CEP95: variants seen among roughly 807,000 people sequenced by gnomAD.
CEP95 encodes centrosomal protein 95, also known as centrosomal protein of 95 kDa.
CEP95 carries 98 observed loss-of-function variants against 111.2 expected under a neutral mutation model. That is an observed-to-expected ratio of 0.88 (90% CI 0.75 to 1.04). CEP95 has a LOEUF of 1.04. CEP95 is among the 50% of genes least tolerant of loss of function. The pLI is 0.00. For missense variants in CEP95, 1,027 were observed against 977.2 expected, an observed-to-expected ratio of 1.05 and a Z score of -0.68; for synonymous variants, 323 against 327.1, an observed-to-expected ratio of 0.99 and a Z score of 0.14.
intron 6 of CEP95, among the ~76,000 whole-genome samples, chr17:64,520,304 A>G (rs1967215327): frequency 6.6e-6 from 1 of 152,240 alleles, no homozygotes; most frequent in Non-Finnish European, 1.5e-5. Context: ...GGCAAAGGAA[A>G]AAAGATTCAG....
chr17:64,536,699 G>C lies in CEP95; in HGVS notation c.2168G>C (p.Arg723Thr), dbSNP rs1968680621. ...YAKEKRDEQR[R>T]RHQDELDSME... ...AAAGAAAAGCGAGATGAACAAAGGA[G>C]ACGCCACCAGGATGAACTGGACTCC... Residue 723 changes from arginine (R) to threonine (T), a missense_variant, in exon 18 of 20, where the codon AGA becomes ACA. By Grantham distance (71) the Arg-to-Thr change is moderately conservative. Coordinates refer to ENST00000556440, the MANE Select transcript of CEP95 (RefSeq NM_138363.3). 1.2e-6 allele frequency: 2 copies of C among 1,612,986 alleles called. No homozygotes were observed. The highest frequency in any genetic ancestry group is 1.7e-6 in the Non-Finnish European group (2 of 1,179,596).
chr17:64,537,504 T>G, intron 19 of CEP95, 99 bp from the exon 20 acceptor site: 2 of 1,446,296 alleles, frequency 1.4e-6, no homozygotes, highest in Non-Finnish European at 1.8e-6. Context: ...TATTGAAAAT[T>G]TTGGAGGAGT....
At position 64,522,878 on chromosome 17, in the gene CEP95, C is replaced by T; in HGVS notation, c.892C>T (p.His298Tyr). 6.2e-7 allele frequency: 1 copy of T among 1,610,188 alleles called. No individual in the cohort carries two copies. The part of the protein sequence containing the change: ...CSPAVNSTGE[H>Y]TEFSGDLDDG... ...CCCAGCCGTAAATTCTACTGGAGAGCATACGGAATTTTCTGGGGTAAGTGG... is the reference window on the plus strand; with the variant it reads ...CCCAGCCGTAAATTCTACTGGAGAGTATACGGAATTTTCTGGGGTAAGTGG... Residue 298 changes from histidine (H) to tyrosine (Y), a missense_variant, in exon 8 of 20, where the codon CAT becomes TAT. His to Tyr is a moderately conservative substitution (Grantham distance 83). Coordinates refer to ENST00000556440, the MANE Select transcript of CEP95 (RefSeq NM_138363.3).
In CEP95 at chr17:64,522,784, C is replaced by T. The variant is rs932923916; in HGVS notation, c.798C>T (p.Pro266=). The T allele has an allele frequency of 1.9e-6, 3 of 1,613,754 alleles. No homozygotes were observed. The highest frequency in any genetic ancestry group is 2.5e-6 in the Non-Finnish European group (3 of 1,179,816). The part of the protein sequence containing the change: ...PIRAAIPLHP[P]YHPSEPRAPC... ...GAGCAGCTATTCCTTTACATCCACC[C>T]TACCACCCTTCAGAGCCTCGAGCAC... is the stretch of plus-strand genomic sequence containing the variant. Residue 266 remains proline, a synonymous_variant, in exon 8 of 20, where the codon CCC becomes CCT. Transcript: ENST00000556440.
Position 64,529,344 on chromosome 17 carries a change from G to A in CEP95, c.1363G>A (p.Val455Ile), listed in dbSNP as rs1254940378. ...YRSHSLSPSP[V>I]NKHKQFHLER... ...ATCCCATTCGCTCTCTCCATCTCCAGTTAACAAACACAAACAGTTCCACTT... is the reference window on the plus strand; with the variant it reads ...ATCCCATTCGCTCTCTCCATCTCCAATTAACAAACACAAACAGTTCCACTT... The change falls in exon 12 of 20, where the codon GTT becomes ATT. Residue 455 changes from valine to isoleucine, a missense_variant. Physicochemically the swap from Val to Ile is conservative, Grantham distance 29 (BLOSUM62 3). Coordinates refer to ENST00000556440, the MANE Select transcript of CEP95 (RefSeq NM_138363.3). 6.2e-7 allele frequency: 1 copy of A among 1,613,826 alleles called. No individual in the cohort carries two copies. The highest frequency in any genetic ancestry group is 8.5e-7 in the Non-Finnish European group (1 of 1,179,816).
rs1205790962 is a variant in CEP95, at chr17:64,510,206, A to G, written c.182A>G (p.Asp61Gly). Residue 61 changes from aspartate (D) to glycine (G), a missense_variant, in exon 3 of 20, where the codon GAT (aspartate) becomes GGT (glycine). Asp to Gly is a moderately conservative substitution (Grantham distance 94). Coordinates refer to ENST00000556440, the MANE Select transcript of CEP95 (RefSeq NM_138363.3). Reference protein sequence around the residue: ...LIVIPRSQEDDAHNVQAVIDS... With the variant: ...LIVIPRSQEDGAHNVQAVIDS... ...GTTATTCCTAGGAGTCAAGAAGATG[A>G]TGCACACAATGTACAAGCAGTAATT... 8.7e-6 allele frequency: 14 copies of G among 1,610,610 alleles called. No individual in the cohort carries two copies. The highest frequency in any genetic ancestry group is 1.1e-5 in the Non-Finnish European group (13 of 1,178,306).
chr17:64,535,139 G>A (rs1968561704), intron 17 of CEP95: 1 of 218,574 alleles, frequency 4.6e-6, no homozygotes, highest in Non-Finnish European at 9.3e-6. Context: ...CATTTGCTAT[G>A]TCATCCTAAT....
At chr17:64,521,098 A>T (rs1283273122) in intron 6 of CEP95, among the ~76,000 whole-genome samples, 3 of 152,098 alleles carry the variant, frequency 2.0e-5, no homozygotes, top group Non-Finnish European at 4.4e-5. Flanking sequence ...TTAGCCAGGC[A>T]TGGTGGCGGG....
At position 64,526,109 on chromosome 17, in the gene CEP95, CT is replaced by C. The variant is rs782197547; in HGVS notation, c.1064del (p.Phe355SerfsTer9). On this transcript the variant is annotated frameshift_variant, in exon 10 of 20. Transcript: ENST00000556440. LOFTEE classifies it high-confidence loss of function. ...NRATASSCNS[P>X]FPQRPRKRLT... is the part of the protein sequence containing the mutation. ...GCTACAGCCTCATCCTGCAATTCAC[CT>C]TTCCCCCAGAGGCCAAGAAAGAGAT... 2 of 1,613,764 alleles carry C rather than the reference CT, an allele frequency of 1.2e-6. No homozygotes were observed. The highest frequency in any genetic ancestry group is 2.2e-5 in the South Asian group (2 of 91,064).
At chr17:64,534,762 C>G in intron 17 of CEP95, 25 bp downstream of exon 17, 1 of 1,601,512 alleles carries the variant, frequency 6.2e-7, no homozygotes, top group Non-Finnish European at 8.5e-7. Flanking sequence ...TCTGTCCAGC[C>G]CTGTTAAGAA....
intron 1 of CEP95, 76 bp from the exon 2 acceptor site, chr17:64,508,516 G>T: frequency 8.0e-7 from 1 of 1,249,622 alleles, no homozygotes; most frequent in Admixed American, 3.6e-5. Flanking sequence ...GGGGGAGGTT[G>T]TTGGATTTTT....
intron 6 of CEP95, among the ~76,000 whole-genome samples, chr17:64,521,178 A>G (rs1191502771): frequency 6.6e-6 from 1 of 152,188 alleles, no homozygotes; most frequent in African/African-American, 2.4e-5. Flanking sequence ...TGGAGGTTGC[A>G]GTGCAGCGAG....
chr17:64,507,319 G>A lies in CEP95; in HGVS notation c.19+203G>A, dbSNP rs556449464. The A allele has an allele frequency of 1.2e-3, 1,661 of 1,442,578 alleles. 2 individuals carry two copies. The highest frequency in any genetic ancestry group is 2.5e-3 in the Admixed American group (90 of 35,336). 89.4% of individuals were successfully genotyped at this position (1,442,578 alleles called of 1,614,324 possible). A position where few individuals can be genotyped will look rare whatever the true frequency, so the allele number is the denominator to read the frequency against. On this transcript the variant is annotated intron_variant, in intron 1 of 19. Coordinates refer to ENST00000556440, the MANE Select transcript of CEP95 (RefSeq NM_138363.3). ...AGGCCGTGGAACAGCAGTATGCTGT[G>A]GGAGAGAGAGAGGCACTGGGGCGAG...
intron 12 of CEP95, 137 bp downstream of exon 12, chr17:64,529,564 T>C (rs1968115720): frequency 1.2e-6 from 1 of 839,510 alleles, no homozygotes; most frequent in African/African-American, 1.7e-5. Context: ...GATAGAGAGC[T>C]ATGTGACATA....
rs782812536 is a variant in CEP95 at position 64,534,681 on chromosome 17, G to A, written c.2014G>A (p.Asp672Asn). The A allele has an allele frequency of 2.5e-6, 4 of 1,613,390 alleles. No individual in the cohort carries two copies. Among genetic ancestry groups the A allele is most frequent in the South Asian group, 2.2e-5 (2 of 90,976 alleles). The change falls in exon 17 of 20, where the codon GAT becomes AAT. Residue 672 changes from aspartate to asparagine, a missense_variant. Asp to Asn is a conservative substitution (Grantham distance 23). Transcript: ENST00000556440. The stretch of plus-strand genomic sequence containing the variant: ...CGTTCGTGCTCGAAAATATTATGAT[G>A]ATTATAGAGTTCAGTTGTGTGCAAA... ...QIVRARKYYD[D>N]YRVQLCAKMM...
intron 6 of CEP95, among the ~76,000 whole-genome samples, chr17:64,519,866 A>T (rs536871948): frequency 6.6e-6 from 1 of 152,188 alleles, no homozygotes; most frequent in Non-Finnish European, 1.5e-5. Context: ...TTGCTTGCAC[A>T]TAGTAGACCC....
Position 64,522,630 on chromosome 17 carries a change from T to C in CEP95, c.716-72T>C, listed in dbSNP as rs1414377782. ...GTATGTGAACATGTTTATATAGGTATGTATGTATGTATATAAAATGGTTTA... is the reference window on the plus strand; with the variant it reads ...GTATGTGAACATGTTTATATAGGTACGTATGTATGTATATAAAATGGTTTA... On this transcript the variant is annotated intron_variant, in intron 7 of 19. Coordinates refer to ENST00000556440, the MANE Select transcript of CEP95 (RefSeq NM_138363.3). 15 of 882,846 alleles carry C rather than the reference T, an allele frequency of 1.7e-5. No homozygotes were observed. The East Asian group carries it at 3.8e-4, about 22-fold the overall frequency. 54.7% of individuals were successfully genotyped at this position (882,846 alleles called of 1,614,324 possible). A position where few individuals can be genotyped will look rare whatever the true frequency, so the allele number is the denominator to read the frequency against.
At chr17:64,510,347 A>T in intron 3 of CEP95, 67 bp downstream of exon 3, 1 of 1,001,616 alleles carries the variant, frequency 1.0e-6, no homozygotes, top group South Asian at 1.4e-5. Context: ...AACTGTAGAC[A>T]TTGTTTACTT....
chr17:64,518,159 G>A (rs1222538481), intron 5 of CEP95, among the ~76,000 whole-genome samples: 1 of 152,218 alleles, frequency 6.6e-6, no homozygotes, highest in Non-Finnish European at 1.5e-5. Context: ...TTACAGGCGT[G>A]AGCCCCTGCG....
Sources: allele counts gnomAD v4.1 joint callset (sites outside exome capture counted in the v4.1 genomes callset), GRCh38; gene constraint gnomAD v4.1.1; transcripts MANE v1.5; gene names NCBI Gene and HGNC (gene_info 2026-07-23, HGNC 2026-07-21).